Variants in JAKMIP1 observed in about 807,000 individuals in gnomAD.
JAKMIP1 encodes janus kinase and microtubule-interacting protein 1.
In JAKMIP1, 33 loss-of-function variants were observed where a neutral mutation model predicts 113.0. That is an observed-to-expected ratio of 0.29 (90% CI 0.22 to 0.39). The LOEUF is 0.39. Among genes scored for constraint, JAKMIP1 ranks in the 10% least tolerant of loss-of-function variants. The pLI, the probability that JAKMIP1 is intolerant of heterozygous loss-of-function variation, is 1.00. For missense variants in JAKMIP1, 813 were observed against 1,080.5 expected, an observed-to-expected ratio of 0.75 and a Z score of 3.47; for synonymous variants, 480 against 459.9, an observed-to-expected ratio of 1.04 and a Z score of -0.56.
intron 3 of JAKMIP1, among the ~76,000 whole-genome samples, chr4:6,104,525 C>T (rs1374734222): frequency 6.6e-6 from 1 of 152,216 alleles, no homozygotes; most frequent in Non-Finnish European, 1.5e-5. Context: ...TGTATCTTTC[C>T]CCATCCTCTT....
At chr4:6,163,158 G>A (rs529665092) in intron 1 of JAKMIP1, among the ~76,000 whole-genome samples, 37 of 152,356 alleles carry the variant, frequency 2.4e-4, no homozygotes, top group African/African-American at 8.4e-4. Context: ...ATAAGTCACA[G>A]ACATACCTTG....
intron 1 of JAKMIP1, among the ~76,000 whole-genome samples, chr4:6,198,522 G>T (rs1283743771): frequency 6.6e-6 from 1 of 152,188 alleles, no homozygotes; most frequent in Non-Finnish European, 1.5e-5. Context: ...GTCATCTCAT[G>T]CATTGGGTCC....
rs1024204867 is a variant in JAKMIP1 at position 6,153,967 on chromosome 4, C to T, written c.-147-40970G>A. Among the ~76,000 whole-genome samples, 2 of 152,232 alleles carry T rather than the reference C, an allele frequency of 1.3e-5. No homozygotes were observed. The highest frequency in any genetic ancestry group is 4.8e-5 in the African/African-American group (2 of 41,468). On this transcript the variant is annotated intron_variant, in intron 1 of 20. Transcript: ENST00000409021. This position sits in a 1 kb window ranked among gnomAD's most constrained non-coding sequence, Gnocchi z 4.9. ...GGGAAAGTCTGGATCCTGCCTCTTA[C>T]TTGTCACAGAGTCTGCCCAGGTCTT...
At position 6,138,141 on chromosome 4, in the gene JAKMIP1, G is replaced by C. The variant is rs185120808; in HGVS notation, c.-147-25144C>G. 1.2e-4 allele frequency among the ~76,000 whole-genome samples: 19 copies of C among 152,194 alleles called. No individual in the cohort carries two copies. Among genetic ancestry groups the C allele is most frequent in the Non-Finnish European group, 2.6e-4 (18 of 68,034 alleles). On this transcript the variant is annotated intron_variant, in intron 1 of 20. Coordinates refer to ENST00000409021, the MANE Select transcript of JAKMIP1 (RefSeq NM_001099433.2). The surrounding 1 kb of genome is among the most constrained non-coding windows in gnomAD (Gnocchi z 6.0). ...ACTGGCACCTACTTCCCTGTGCTCCGTCCCTCTACTTAAAGTAGCTGGACA... is the reference window on the plus strand; with the variant it reads ...ACTGGCACCTACTTCCCTGTGCTCCCTCCCTCTACTTAAAGTAGCTGGACA...
intron 3 of JAKMIP1, 52 bp from the exon 4 acceptor site, chr4:6,085,681 A>G (rs1358702296): frequency 6.4e-7 from 1 of 1,556,628 alleles, no homozygotes; most frequent in East Asian, 2.2e-5. Context: ...TGACCAAGGA[A>G]ATCTCTCCCC....
intron 4 of JAKMIP1, 112 bp from the exon 5 acceptor site, chr4:6,085,077 C>A (rs1381922507): frequency 2.3e-6 from 3 of 1,279,930 alleles, no homozygotes; most frequent in Non-Finnish European, 3.1e-6. Context: ...GATCCTTATT[C>A]AGGGGCCCAC....
intron 1 of JAKMIP1, among the ~76,000 whole-genome samples, chr4:6,132,601 C>G (rs1254163983): frequency 6.7e-6 from 1 of 148,600 alleles, no homozygotes; most frequent in African/African-American, 2.5e-5. Flanking sequence ...GAGATCTCAC[C>G]ACTGCACTCC....
chr4:6,048,020 C>T (rs1400390513), intron 16 of JAKMIP1, among the ~76,000 whole-genome samples: 2 of 152,066 alleles, frequency 1.3e-5, no homozygotes. Flanking sequence ...TGAACAAATC[C>T]AATGGAAAAC....
rs1026593073 is a variant in JAKMIP1 at position 6,054,083 on chromosome 4, G to C, written c.1773C>G (p.Asn591Lys). The change falls in exon 13 of 21, where the codon AAC (asparagine) becomes AAG (lysine). Residue 591 changes from asparagine to lysine, a missense_variant. Around this residue, in one of 2 missense-constraint regions of JAKMIP1, gnomAD observed 273 missense variants for 426.6 expected, o/e 0.64. Coordinates refer to ENST00000409021, the MANE Select transcript of JAKMIP1 (RefSeq NM_001099433.2). ...CTAGCACTCTGAATTCTAACAGCTC[G>C]TTCTGATCCTTGGCGTCTTGCATTT... ...KNEMQDAKDQNELLEFRVLEL... is the reference protein window; with the variant it reads ...KNEMQDAKDQKELLEFRVLEL... 2 of 1,613,830 alleles carry C rather than the reference G, an allele frequency of 1.2e-6. No individual in the cohort carries two copies. The highest frequency in any genetic ancestry group is 2.7e-5 in the African/African-American group (2 of 74,920).
At chr4:6,039,864 A>G (rs1255901402) in intron 18 of JAKMIP1, among the ~76,000 whole-genome samples, 1 of 148,480 alleles carries the variant, frequency 6.7e-6, no homozygotes, top group Non-Finnish European at 1.5e-5. Context: ...TTTTAAAGTC[A>G]TTTTTTTTTT....
Position 6,183,140 on chromosome 4 carries a change from A to C in JAKMIP1, c.-148+17113T>G, listed in dbSNP as rs116569437. 0.019 allele frequency among the ~76,000 whole-genome samples: 2,941 copies of C among 152,322 alleles called. 49 individuals carry two copies. Among genetic ancestry groups the C allele is most frequent in the African/African-American group, 0.039 (1,623 of 41,568 alleles). On this transcript the variant is annotated intron_variant, in intron 1 of 20. Coordinates refer to ENST00000409021, the MANE Select transcript of JAKMIP1 (RefSeq NM_001099433.2). This position sits in a 1 kb window ranked among gnomAD's most constrained non-coding sequence, Gnocchi z 5.3. Reference sequence around the variant, plus strand: ...AGATAACAATACCACAGATATCTAGACACACAGATACAGGTGCCCTGCGAA... The same window carrying C: ...AGATAACAATACCACAGATATCTAGCCACACAGATACAGGTGCCCTGCGAA...
rs144473470 is a variant in JAKMIP1 at position 6,097,423 on chromosome 4, G to T, written c.624+8050C>A. ...TGAGCTTGCTTGCATGGGGAGTCTG[G>T]GTGTGTATGGAAGCTCTATCACAGC... On this transcript the variant is annotated intron_variant, in intron 3 of 20. Coordinates refer to ENST00000409021, the MANE Select transcript of JAKMIP1 (RefSeq NM_001099433.2). This position sits in a 1 kb window ranked among gnomAD's most constrained non-coding sequence, Gnocchi z 4.3. Among the ~76,000 whole-genome samples the T allele has an allele frequency of 7.2e-3, 1,101 of 152,308 alleles. 5 individuals carry two copies. The highest frequency in any genetic ancestry group is 0.011 in the Non-Finnish European group (766 of 68,022).
intron 1 of JAKMIP1, among the ~76,000 whole-genome samples, chr4:6,121,654 G>C (rs146185656): frequency 6.6e-6 from 1 of 152,204 alleles, no homozygotes; most frequent in South Asian, 2.1e-4. Context: ...GTGAGCCCTC[G>C]GCACACGCCA....
chr4:6,196,309 C>G (rs1395420573), intron 1 of JAKMIP1, among the ~76,000 whole-genome samples: 5 of 152,222 alleles, frequency 3.3e-5, no homozygotes, highest in Non-Finnish European at 7.3e-5. Flanking sequence ...CCTAACCCAG[C>G]CCTTCACAGC....
At chr4:6,060,383 G>C (rs368426899) in intron 11 of JAKMIP1, 41 bp downstream of exon 11, 5 of 1,485,536 alleles carry the variant, frequency 3.4e-6, no homozygotes, top group Non-Finnish European at 4.7e-6. Context: ...CAAGGGGACA[G>C]AAAGGCTAAG....
Position 6,065,139 on chromosome 4 carries a change from G to C in JAKMIP1, c.1303-131C>G, listed in dbSNP as rs886249613. ...GGGCCACTGGGGCATCACAAGATGC[G>C]GTTGGTGGGCTTCGTAACTGACTGG... On this transcript the variant is annotated intron_variant, in intron 8 of 20. Transcript: ENST00000409021. The surrounding 1 kb of genome is among the most constrained non-coding windows in gnomAD (Gnocchi z 5.1). 3.5e-6 allele frequency: 4 copies of C among 1,138,466 alleles called. No homozygotes were observed. The highest frequency in any genetic ancestry group is 5.2e-6 in the Non-Finnish European group (4 of 772,754). The allele number at this position is 1,138,466 out of a possible 1,614,324, so 70.5% of individuals were successfully genotyped here.
chr4:6,041,436 C>T (rs529511244), intron 17 of JAKMIP1, among the ~76,000 whole-genome samples: 1 of 152,302 alleles, frequency 6.6e-6, no homozygotes, highest in East Asian at 1.9e-4. Flanking sequence ...CACACTAGTC[C>T]TTCCACCTTC....
At chr4:6,170,599 AAC>A (rs1724447802) in intron 1 of JAKMIP1, among the ~76,000 whole-genome samples, 1 of 147,078 alleles carries the variant, frequency 6.8e-6, no homozygotes, top group Non-Finnish European at 1.5e-5. Context: ...CATTGTCCTC[AAC>A]AGTGTCATCA....
chr4:6,143,738 T>A lies in JAKMIP1; in HGVS notation c.-147-30741A>T, dbSNP rs1182735761. On this transcript the variant is annotated intron_variant, in intron 1 of 20. Coordinates refer to ENST00000409021, the MANE Select transcript of JAKMIP1 (RefSeq NM_001099433.2). This position sits in a 1 kb window ranked among gnomAD's most constrained non-coding sequence, Gnocchi z 4.9. ...GGGGGTGGACTCAGCAGTGTGGGTT[T>A]TAACAAGTCCTCTGAGTGATTCTAA... Among the ~76,000 whole-genome samples, 1 of 152,162 alleles carries A rather than the reference T, an allele frequency of 6.6e-6. No homozygotes were observed. Among genetic ancestry groups the A allele is most frequent in the Non-Finnish European group, 1.5e-5 (1 of 68,034 alleles).
Sources: allele counts gnomAD v4.1 joint callset (sites outside exome capture counted in the v4.1 genomes callset), GRCh38; gene constraint gnomAD v4.1.1; regional missense constraint gnomAD v4.1.1; non-coding constraint Gnocchi (gnomAD v3.1); transcripts MANE v1.5; gene names NCBI Gene and HGNC (gene_info 2026-07-23, HGNC 2026-07-21).